Variants in ARB2A observed in about 807,000 individuals in gnomAD.
ARB2A encodes cotranscriptional regulator ARB2A.
At chr5:93,629,522 C>T in the ARB2A span, among the ~76,000 whole-genome samples, 1 of 150,478 alleles carries the variant, frequency 6.6e-6, no homozygotes, top group Non-Finnish European at 1.5e-5. Context: ...ACAAGGTATG[C>T]CTGTAATTTT....
chr5:94,030,685 A>C, the ARB2A span, among the ~76,000 whole-genome samples: 2 of 152,210 alleles, frequency 1.3e-5, no homozygotes, highest in African/African-American at 4.8e-5. Flanking sequence ...CTCATGTTGA[A>C]ATTTAATTGC....
the ARB2A span, among the ~76,000 whole-genome samples, chr5:93,933,923 T>C: frequency 1.3e-5 from 2 of 152,082 alleles, no homozygotes; most frequent in African/African-American, 4.8e-5. Context: ...GGAGAATCAC[T>C]TGAACCTGGC....
chr5:93,638,065 A>T, the ARB2A span, among the ~76,000 whole-genome samples: 1 of 152,248 alleles, frequency 6.6e-6, no homozygotes, highest in South Asian at 2.1e-4. Context: ...AAGAAGACAG[A>T]GGTGTCCATG....
At chr5:94,104,691 A>T in the ARB2A span, among the ~76,000 whole-genome samples, 1 of 152,084 alleles carries the variant, frequency 6.6e-6, no homozygotes. Flanking sequence ...TTGTAGAAAC[A>T]CAACGAAAAA....
the ARB2A span, among the ~76,000 whole-genome samples, chr5:93,751,384 G>A: frequency 6.6e-6 from 1 of 152,100 alleles, no homozygotes; most frequent in African/African-American, 2.4e-5. Flanking sequence ...GGACAGAAAT[G>A]ATAGCACAAG....
chr5:93,924,809 T>TTAAAG, the ARB2A span, among the ~76,000 whole-genome samples: 1 of 152,166 alleles, frequency 6.6e-6, no homozygotes, highest in East Asian at 1.9e-4. Context: ...TGCAACATTG[T>TTAAAG]TAAAGTATTA....
the ARB2A span, among the ~76,000 whole-genome samples, chr5:93,984,586 C>T: frequency 1.3e-5 from 2 of 152,166 alleles, no homozygotes; most frequent in African/African-American, 4.8e-5. Context: ...TTCAATTCCC[C>T]AAAACTCAAA....
chr5:93,723,769 T>C, the ARB2A span, among the ~76,000 whole-genome samples: 3 of 152,042 alleles, frequency 2.0e-5, no homozygotes, highest in Non-Finnish European at 4.4e-5. Flanking sequence ...GAAATTTCTA[T>C]CACGACCTTT....
At chr5:94,034,429 A>G in the ARB2A span, among the ~76,000 whole-genome samples, 1 of 152,298 alleles carries the variant, frequency 6.6e-6, no homozygotes, top group African/African-American at 2.4e-5. Context: ...GATAAGGAAG[A>G]ACATTCCTTC....
chr5:93,943,873 A>C, the ARB2A span, among the ~76,000 whole-genome samples: 1 of 152,204 alleles, frequency 6.6e-6, no homozygotes, highest in Non-Finnish European at 1.5e-5. Flanking sequence ...GGGAAAAATC[A>C]AAATGAAATG....
At chr5:93,763,150 A>G in the ARB2A span, among the ~76,000 whole-genome samples, 1 of 152,206 alleles carries the variant, frequency 6.6e-6, no homozygotes, top group East Asian at 1.9e-4. Context: ...AACGAGCAAA[A>G]TAACCAGCTA....
chr5:93,805,317 A>G, the ARB2A span: 1 of 985,162 alleles, frequency 1.0e-6, no homozygotes, highest in Non-Finnish European at 1.2e-6. Context: ...TTCACTATAT[A>G]AAGGAAAAAG....
the ARB2A span, among the ~76,000 whole-genome samples, chr5:94,060,117 T>C: frequency 1.3e-5 from 2 of 152,148 alleles, no homozygotes; most frequent in Non-Finnish European, 2.9e-5. Flanking sequence ...CCCAGCACTT[T>C]GGAAGGCCAA....
chr5:93,637,354 GTTTTTTT>G, the ARB2A span, among the ~76,000 whole-genome samples: 3 of 116,110 alleles, frequency 2.6e-5, no homozygotes, highest in Non-Finnish European at 5.1e-5. Context: ...GGGTTGTTTA[GTTTTTTT>G]TTTTTTTTTT....
At chr5:94,002,203 C>T in the ARB2A span, among the ~76,000 whole-genome samples, 1 of 152,032 alleles carries the variant, frequency 6.6e-6, no homozygotes, top group Non-Finnish European at 1.5e-5. Context: ...CTAATTTACC[C>T]TGAGGGTAGA....
chr5:93,830,311 G>GTGTATATATATATA, the ARB2A span, among the ~76,000 whole-genome samples: 12 of 82,264 alleles, frequency 1.5e-4, no homozygotes, highest in African/African-American at 5.7e-4. Context: ...GTGTGTGTGT[G>GTGTATATATATATA]TATATATATA....
chr5:93,877,765 T>C, the ARB2A span, among the ~76,000 whole-genome samples: 1 of 152,106 alleles, frequency 6.6e-6, no homozygotes, highest in Admixed American at 6.6e-5. Context: ...AGAGGTGGCA[T>C]TTCAGCTAGG....
chr5:93,845,815 T>C, the ARB2A span, among the ~76,000 whole-genome samples: 1 of 152,230 alleles, frequency 6.6e-6, no homozygotes, highest in Non-Finnish European at 1.5e-5. Context: ...TAGAACATCC[T>C]ATAGACAAAA....
chr5:94,100,981 A>G, the ARB2A span, among the ~76,000 whole-genome samples: 1 of 152,198 alleles, frequency 6.6e-6, no homozygotes, highest in Admixed American at 6.5e-5. Context: ...AAAAGAAACT[A>G]TCAACAGAGT....
Sources: allele counts gnomAD v4.1 joint callset (sites outside exome capture counted in the v4.1 genomes callset), GRCh38; gene constraint gnomAD v4.1.1; transcripts MANE v1.5; gene names NCBI Gene and HGNC (gene_info 2026-07-23, HGNC 2026-07-21).